The following COL6A3 variants were observed in gnomAD, a reference collection of about 807,000 sequenced individuals.
COL6A3 encodes the protein collagen type VI alpha 3 chain, also known as collagen alpha-3(VI) chain.
In COL6A3, 137 loss-of-function variants were observed where a neutral mutation model predicts 274.1. The observed-to-expected ratio is 0.50, with a 90% confidence interval of 0.44 to 0.58. COL6A3 has a LOEUF of 0.58. Among genes scored for constraint, COL6A3 ranks in the 20% least tolerant of loss-of-function variants. The pLI, the probability that COL6A3 is intolerant of heterozygous loss-of-function variation, is 0.00. For synonymous variants in COL6A3, 1,650 were observed against 1,650.6 expected (o/e 1.00, Z 0.01); for missense variants, 3,950 against 4,124.9 (o/e 0.96, Z 1.16).
At chr2:237,376,537 C>A (rs2106363669) in intron 7 of COL6A3, among the ~76,000 whole-genome samples, 1 of 152,308 alleles carries the variant, frequency 6.6e-6, no homozygotes, top group Non-Finnish European at 1.5e-5. Context: ...ATGAAATAAT[C>A]TAATGCCCTT....
intron 3 of COL6A3, 151 bp downstream of exon 3, chr2:237,394,436 T>A (rs1044022836): frequency 3.1e-6 from 3 of 958,896 alleles, no homozygotes; most frequent in Non-Finnish European, 4.9e-6. Context: ...TGGAAGAATA[T>A]TCCAAATCAA....
At chr2:237,360,296 G>A (rs2077406356) in intron 16 of COL6A3, 137 bp from the exon 17 acceptor site, 1 of 861,020 alleles carries the variant, frequency 1.2e-6, no homozygotes, top group Admixed American at 2.0e-5. Flanking sequence ...CGCCGATCGA[G>A]GCTACGTGAG....
chr2:237,392,989 C>T (rs1468726215), intron 3 of COL6A3, among the ~76,000 whole-genome samples: 2 of 152,202 alleles, frequency 1.3e-5, no homozygotes, highest in African/African-American at 4.8e-5. Flanking sequence ...CAGGACTCTC[C>T]TTCCGAGACC....
intron 42 of COL6A3, chr2:237,328,307 C>G (rs1172255130): frequency 6.6e-6 from 1 of 152,130 alleles, no homozygotes. Flanking sequence ...AGGTTAAAAC[C>G]CTGTTCTGGG....
chr2:237,370,444 G>T (rs936039793), intron 9 of COL6A3, among the ~76,000 whole-genome samples: 2 of 151,760 alleles, frequency 1.3e-5, no homozygotes, highest in African/African-American at 4.8e-5. Flanking sequence ...TCACCATATT[G>T]ACCAGGCTGG....
Position 237,345,106 on chromosome 2 carries a change from A to G in COL6A3, c.7126-12T>C. On this transcript the variant is annotated splice_polypyrimidine_tract_variant and intron_variant, in intron 33 of 43. Transcript: ENST00000295550. ...ATGAGGGCACATTGCTTTAAAAGAAAATAAAAGAATATGTAAAGAGAGCAA... is the reference window on the plus strand; with the variant it reads ...ATGAGGGCACATTGCTTTAAAAGAAGATAAAAGAATATGTAAAGAGAGCAA... The G allele has an allele frequency of 6.2e-7, 1 of 1,614,180 alleles. No individual in the cohort carries two copies. Among genetic ancestry groups the G allele is most frequent in the Middle Eastern group, 1.6e-4 (1 of 6,062 alleles).
chr2:237,327,785 G>T (rs1270496083), intron 42 of COL6A3: 1 of 151,824 alleles, frequency 6.6e-6, no homozygotes, highest in Non-Finnish European at 1.5e-5. Context: ...TGTCGTTTTG[G>T]CTGGACTCTA....
intron 10 of COL6A3, among the ~76,000 whole-genome samples, chr2:237,367,505 A>C (rs2077581881): frequency 6.6e-6 from 1 of 152,244 alleles, no homozygotes; most frequent in African/African-American, 2.4e-5. Context: ...TCCTCTAAAC[A>C]AAAAGGAAAG....
At chr2:237,355,227 G>A (rs1197559939) in intron 23 of COL6A3, 1 of 428,146 alleles carries the variant, frequency 2.3e-6, no homozygotes, top group African/African-American at 2.0e-5. Context: ...GCAAAATAAT[G>A]ACTCCTTTTG....
chr2:237,413,138 C>T lies in COL6A3; in HGVS notation c.-31+815G>A, dbSNP rs2078897693. On this transcript the variant is annotated intron_variant, in intron 1 of 43. Coordinates refer to ENST00000295550, the MANE Select transcript of COL6A3 (RefSeq NM_004369.4). This position sits in a 1 kb window ranked among gnomAD's most constrained non-coding sequence, Gnocchi z 4.0. ...GGCCCGAGCCCCACCCTGCATCCTC[C>T]GGGCCAGAGAACAGCCCTCGGGGCC... Among the ~76,000 whole-genome samples, 1 of 152,350 alleles carries T rather than the reference C, an allele frequency of 6.6e-6. No individual in the cohort carries two copies. The highest frequency in any genetic ancestry group is 6.5e-5 in the Admixed American group (1 of 15,310).
Position 237,361,503 on chromosome 2 carries a change from C to T in COL6A3, c.6156+236G>A, listed in dbSNP as rs1196113969. 6.6e-6 allele frequency among the ~76,000 whole-genome samples: 1 copy of T among 152,212 alleles called. No individual in the cohort carries two copies. The highest frequency in any genetic ancestry group is 1.5e-5 in the Non-Finnish European group (1 of 68,044). On this transcript the variant is annotated intron_variant, in intron 15 of 43. Coordinates refer to ENST00000295550, the MANE Select transcript of COL6A3 (RefSeq NM_004369.4). The surrounding 1 kb of genome is among the most constrained non-coding windows in gnomAD (Gnocchi z 5.1). Reference sequence around the variant, plus strand: ...AATGAAGGACCAAGCTGTTAAAGCACAGATCCCCTTATCCTGTGCAAAAGG... The same window carrying T: ...AATGAAGGACCAAGCTGTTAAAGCATAGATCCCCTTATCCTGTGCAAAAGG...
Position 237,354,363 on chromosome 2 carries a change from C to T in COL6A3, c.6627+536G>A, listed in dbSNP as rs142803552. Among the ~76,000 whole-genome samples the T allele has an allele frequency of 3.3e-3, 506 of 151,812 alleles. 2 individuals carry two copies. The highest frequency in any genetic ancestry group is 0.011 in the African/African-American group (436 of 41,366). On this transcript the variant is annotated intron_variant, in intron 24 of 43. Coordinates refer to ENST00000295550, the MANE Select transcript of COL6A3 (RefSeq NM_004369.4). ...GAATACCTCCCTCACATTCTGCCCACAGGGAAATTCCTTGTGGACAAAGGA... is the reference window on the plus strand; with the variant it reads ...GAATACCTCCCTCACATTCTGCCCATAGGGAAATTCCTTGTGGACAAAGGA...
In COL6A3 at chr2:237,368,087, C is replaced by A. The variant is rs1292924280; in HGVS notation, c.4900+476G>T. Among the ~76,000 whole-genome samples, 1 of 152,174 alleles carries A rather than the reference C, an allele frequency of 6.6e-6. No homozygotes were observed. Among genetic ancestry groups the A allele is most frequent in the African/African-American group, 2.4e-5 (1 of 41,444 alleles). On this transcript the variant is annotated intron_variant, in intron 10 of 43. Transcript: ENST00000295550. This position sits in a 1 kb window ranked among gnomAD's most constrained non-coding sequence, Gnocchi z 4.4. ...GGAGAGATCCACTTTGCTTTTGCAGCCCCAAAGACGAGAACCAGGAGCACG... is the reference window on the plus strand; with the variant it reads ...GGAGAGATCCACTTTGCTTTTGCAGACCCAAAGACGAGAACCAGGAGCACG...
At chr2:237,375,604 G>A (rs981261920) in intron 7 of COL6A3, among the ~76,000 whole-genome samples, 4 of 152,142 alleles carry the variant, frequency 2.6e-5, no homozygotes, top group East Asian at 3.9e-4. Flanking sequence ...GTGCAGTGGC[G>A]CAATCTCAGC....
chr2:237,397,443 GAA>G (rs1192692027), intron 1 of COL6A3, among the ~76,000 whole-genome samples: 1 of 128,436 alleles, frequency 7.8e-6, no homozygotes, highest in Non-Finnish European at 1.6e-5. Flanking sequence ...AGGAAAGAAA[GAA>G]AGAGAGAAAG....
chr2:237,384,403 C>T (rs1369738409), intron 4 of COL6A3, among the ~76,000 whole-genome samples: 2 of 152,058 alleles, frequency 1.3e-5, no homozygotes, highest in Admixed American at 1.3e-4. Context: ...ATGGCACAAC[C>T]CTCTTCAGCC....
chr2:237,376,664 T>C, intron 7 of COL6A3, 108 bp downstream of exon 7: 1 of 1,115,854 alleles, frequency 9.0e-7, no homozygotes, highest in Admixed American at 1.7e-5. Context: ...CCACCTTTCC[T>C]GTAAACTCAA....
In COL6A3 at chr2:237,374,634, C is replaced by T. The variant is rs767960391; in HGVS notation, c.3457G>A (p.Val1153Met). 7.4e-6 allele frequency: 12 copies of T among 1,614,182 alleles called. No homozygotes were observed. Among genetic ancestry groups the T allele is most frequent in the East Asian group, 4.5e-5 (2 of 44,850 alleles). ...ACAGCCCCACCCCTCTTCACGACCA[C>T]GGAGGGGTTCCGCACATCATCCCCA... Reference protein sequence around the residue: ...RSGDDVRNPSVVVKRGGAVPI... With the variant: ...RSGDDVRNPSMVVKRGGAVPI... Residue 1153 changes from valine to methionine, a missense_variant, in exon 8 of 44, where the codon GTG becomes ATG. Coordinates refer to ENST00000295550, the MANE Select transcript of COL6A3 (RefSeq NM_004369.4). This position sits in a 1 kb window ranked among gnomAD's most constrained non-coding sequence, Gnocchi z 4.8.
chr2:237,360,749 G>T (rs952376346), intron 16 of COL6A3, among the ~76,000 whole-genome samples: 3 of 152,122 alleles, frequency 2.0e-5, no homozygotes, highest in Admixed American at 6.5e-5. Flanking sequence ...CCTTAACGGG[G>T]TAACCCCTAA....
Sources: allele counts gnomAD v4.1 joint callset (sites outside exome capture counted in the v4.1 genomes callset), GRCh38; gene constraint gnomAD v4.1.1; non-coding constraint Gnocchi (gnomAD v3.1); transcripts MANE v1.5; gene names NCBI Gene and HGNC (gene_info 2026-07-23, HGNC 2026-07-21).